Variants in CHKA observed in about 807,000 individuals in gnomAD.
CHKA encodes choline kinase alpha, also known as CHETK-alpha.
In CHKA, 34 loss-of-function variants were observed where a neutral mutation model predicts 60.1. The observed-to-expected ratio is 0.57, with a 90% CI of 0.43 to 0.75. The LOEUF (loss-of-function observed/expected upper bound fraction) is 0.75. Among genes scored for constraint, CHKA ranks in the 30% least tolerant of loss-of-function variants. The pLI is 0.00. For synonymous variants in CHKA, 217 were observed against 223.1 expected (o/e 0.97, Z 0.24); for missense variants, 563 against 561.3 (o/e 1.00, Z -0.03).
chr11:68,113,081 C>CAAAAAAAAAA lies in CHKA; in HGVS notation c.350+7737_350+7746dup, dbSNP rs71040587. Among the ~76,000 whole-genome samples the CAAAAAAAAAA allele has an allele frequency of 6.3e-3, 92 of 14,544 alleles. 1 individual carries two copies. Among genetic ancestry groups the CAAAAAAAAAA allele is most frequent in the East Asian group, 0.012 (4 of 330 alleles). The allele number at this position is 14,544 out of a possible 152,430, so 9.5% of individuals were successfully genotyped here. A position where few individuals can be genotyped will look rare whatever the true frequency, so the allele number is the denominator to read the frequency against. ...TGGGCAACAGAGCAAGACTCCGTCT[C>CAAAAAAAAAA]AAAAAAAAAAAAAAAAAAAAAAAAA... On this transcript the variant is annotated intron_variant, in intron 1 of 11. Coordinates refer to ENST00000265689, the MANE Select transcript of CHKA (RefSeq NM_001277.3).
chr11:68,065,748 T>C (rs775504090), intron 9 of CHKA, 38 bp downstream of exon 9: 26 of 1,312,382 alleles, frequency 2.0e-5, no homozygotes, highest in Non-Finnish European at 2.7e-5. Context: ...AATTGACATG[T>C]AATTTTCCTA....
intron 11 of CHKA, 146 bp from the exon 12 acceptor site, chr11:68,054,193 T>A (rs1855912898): frequency 1.5e-6 from 1 of 655,262 alleles, no homozygotes; most frequent in Non-Finnish European, 2.7e-6. Context: ...GCAGCAGGGC[T>A]GCTCGGGGGC....
intron 2 of CHKA, among the ~76,000 whole-genome samples, chr11:68,086,012 T>C (rs1482324852): frequency 6.6e-6 from 1 of 152,124 alleles, no homozygotes; most frequent in Non-Finnish European, 1.5e-5. Context: ...ATGTTCTACT[T>C]CATGCTTTAA....
In CHKA at chr11:68,120,871, A is replaced by T; in HGVS notation, c.307T>A (p.Trp103Arg). ...AACTCGTCCTCGCGGAGGCCCCGCC[A>T]GGCGCCGGGCAGGAACTCCTTGCAC... ...LWCKEFLPGA[W>R]RGLREDEFHI... Residue 103 changes from tryptophan (W) to arginine (R), a missense_variant, in exon 1 of 12, where the codon TGG becomes AGG. Trp to Arg is a moderately radical substitution (Grantham distance 101). Transcript: ENST00000265689. 7.4e-7 allele frequency: 1 copy of T among 1,353,868 alleles called. No individual in the cohort carries two copies. Among genetic ancestry groups the T allele is most frequent in the Non-Finnish European group, 9.6e-7 (1 of 1,038,806 alleles). The allele number at this position is 1,353,868 out of a possible 1,614,324, so 83.9% of individuals were successfully genotyped here.
intron 11 of CHKA, among the ~76,000 whole-genome samples, chr11:68,058,587 T>C (rs1368685084): frequency 6.6e-6 from 1 of 152,262 alleles, no homozygotes; most frequent in Non-Finnish European, 1.5e-5. Flanking sequence ...AACTGATTTT[T>C]GTATACTGAC....
chr11:68,120,935 C>G lies in CHKA; in HGVS notation c.243G>C (p.Glu81Asp). 8.4e-7 allele frequency: 1 copy of G among 1,194,440 alleles called. No homozygotes were observed. The highest frequency in any genetic ancestry group is 1.0e-6 in the Non-Finnish European group (1 of 956,744). 74.0% of individuals were successfully genotyped at this position (1,194,440 alleles called of 1,614,324 possible). ...TGCGCCGCGTCCGGGGCTCCGGCTG[C>G]TCGTCTGCGGGCGGCTGCGGCGGCG... ...QPPPPQPPAD[E>D]QPEPRTRRRA... is the part of the protein sequence containing the mutation. Residue 81 changes from glutamate to aspartate, a missense_variant, in exon 1 of 12, where the codon GAG becomes GAC. Glu to Asp is a conservative substitution (Grantham distance 45). Transcript: ENST00000265689.
chr11:68,059,712 G>A (rs1310507950), intron 11 of CHKA, among the ~76,000 whole-genome samples: 1 of 152,038 alleles, frequency 6.6e-6, no homozygotes, highest in Non-Finnish European at 1.5e-5. Context: ...GCTATCTTTT[G>A]TTGTTGATTT....
At chr11:68,055,839 G>C (rs1254478223) in intron 11 of CHKA, among the ~76,000 whole-genome samples, 1 of 151,752 alleles carries the variant, frequency 6.6e-6, no homozygotes, top group Non-Finnish European at 1.5e-5. Flanking sequence ...GAGGTCAGGA[G>C]TTCGAGACCA....
At chr11:68,119,597 GTA>G (rs1383013592) in intron 1 of CHKA, among the ~76,000 whole-genome samples, 1 of 152,242 alleles carries the variant, frequency 6.6e-6, no homozygotes, top group East Asian at 1.9e-4. Context: ...AGCCTCCCAA[GTA>G]GCTGGGACTA....
At chr11:68,111,741 A>AT (rs923564917) in intron 1 of CHKA, among the ~76,000 whole-genome samples, 4 of 151,890 alleles carry the variant, frequency 2.6e-5, no homozygotes, top group Admixed American at 1.3e-4. Context: ...ACAACAAACC[A>AT]TTTGTTGTTT....
chr11:68,066,543 T>A (rs749994963), intron 7 of CHKA, 27 bp from the exon 8 acceptor site: 8 of 1,562,452 alleles, frequency 5.1e-6, no homozygotes, highest in Non-Finnish European at 7.1e-6. Context: ...TAACATGGTT[T>A]ATGTTTTACA....
intron 2 of CHKA, 131 bp from the exon 3 acceptor site, chr11:68,081,588 G>T (rs568218474): frequency 1.5e-6 from 1 of 667,448 alleles, no homozygotes; most frequent in South Asian, 1.7e-5. Flanking sequence ...TCAGCCCACC[G>T]ATGTGACGGG....
chr11:68,086,307 T>A (rs1857175883), intron 2 of CHKA, among the ~76,000 whole-genome samples: 1 of 151,904 alleles, frequency 6.6e-6, no homozygotes, highest in African/African-American at 2.4e-5. Flanking sequence ...CGAGACTCTG[T>A]CTCATAAAAT....
intron 2 of CHKA, among the ~76,000 whole-genome samples, chr11:68,082,874 T>C (rs1001659695): frequency 6.6e-6 from 1 of 152,192 alleles, no homozygotes; most frequent in Non-Finnish European, 1.5e-5. Context: ...AGTTCTCTGA[T>C]GAAAAGATGT....
chr11:68,081,435 G>GA lies in CHKA; in HGVS notation c.484dup (p.Ser162PhefsTer9). ...TTCATTTTCTTTCTGAGCTTGTTCG[G>GA]ATCCCTCTTTATTACAGGACCTCTA... On this transcript the variant is annotated frameshift_variant, in exon 3 of 12. Coordinates refer to ENST00000265689, the MANE Select transcript of CHKA (RefSeq NM_001277.3). LOFTEE classifies it high-confidence loss of function. 6.2e-7 allele frequency: 1 copy of GA among 1,613,454 alleles called. No homozygotes were observed. Among genetic ancestry groups the GA allele is most frequent in the Non-Finnish European group, 8.5e-7 (1 of 1,179,474 alleles).
intron 11 of CHKA, chr11:68,061,640 G>T: frequency 2.2e-6 from 1 of 463,322 alleles, no homozygotes; most frequent in Non-Finnish European, 4.3e-6. Context: ...GCTGGACTTC[G>T]AGGGTGCAGA....
chr11:68,054,421 A>G (rs549021507), intron 11 of CHKA, among the ~76,000 whole-genome samples: 1 of 152,204 alleles, frequency 6.6e-6, no homozygotes, highest in South Asian at 2.1e-4. Flanking sequence ...AGAGCAAAAG[A>G]CCCCTGGGAC....
chr11:68,064,364 C>T (rs919136362), intron 10 of CHKA, among the ~76,000 whole-genome samples, 161 bp downstream of exon 10: 1 of 151,626 alleles, frequency 6.6e-6, no homozygotes, highest in African/African-American at 2.4e-5. Flanking sequence ...GCCGAGATTG[C>T]GCCACTGCAC....
chr11:68,107,251 CA>C (rs113516453), intron 1 of CHKA, among the ~76,000 whole-genome samples: 45 of 143,286 alleles, frequency 3.1e-4, no homozygotes, highest in African/African-American at 5.6e-4. Flanking sequence ...GACTCTGTCT[CA>C]AAAAAAAAAA....
Sources: allele counts gnomAD v4.1 joint callset (sites outside exome capture counted in the v4.1 genomes callset), GRCh38; gene constraint gnomAD v4.1.1; transcripts MANE v1.5; gene names NCBI Gene and HGNC (gene_info 2026-07-23, HGNC 2026-07-21).